Variants in FAM240A observed in about 807,000 individuals in gnomAD.
The protein encoded by FAM240A is family with sequence similarity 240 member A.
In FAM240A, 8 loss-of-function variants were observed where a neutral mutation model predicts 7.3. The ratio of observed to expected loss-of-function variants is 1.09; its 90% CI spans 0.64 to 1.97. FAM240A has a LOEUF of 1.97. FAM240A is among the 30% of genes most tolerant of loss of function. The pLI, the probability that FAM240A is intolerant of heterozygous loss-of-function variation, is 0.00. For missense variants in FAM240A, 90 were observed against 102.2 expected (o/e 0.88, Z 0.52); for synonymous variants, 32 against 35.9 (o/e 0.89, Z 0.38).
At chr3:46,614,381 C>T (rs1173689368) in intron 1 of FAM240A, among the ~76,000 whole-genome samples, 2 of 152,188 alleles carry the variant, frequency 1.3e-5, no homozygotes. Flanking sequence ...GTTAAGAAGA[C>T]AAGGTAGTTT....
At position 46,625,756 on chromosome 3, in the gene FAM240A, T is replaced by A. The variant is rs907496005; in HGVS notation, c.*538T>A. The A allele has an allele frequency of 1.3e-5, 2 of 152,224 alleles. No individual in the cohort carries two copies. Among genetic ancestry groups the A allele is most frequent in the Admixed American group, 1.3e-4 (2 of 15,286 alleles). The allele number at this position is 152,224 out of a possible 1,614,324, so 9.4% of individuals were successfully genotyped here. ...GATCTAATATTCTTTTTTCTTCATA[T>A]AAATTTAATTAGCTTTTTCAAAAGT... On this transcript the variant is annotated 3_prime_UTR_variant, in exon 3 of 3. Transcript: ENST00000640551.
intron 2 of FAM240A, among the ~76,000 whole-genome samples, chr3:46,619,858 C>T (rs1315233038): frequency 1.3e-5 from 2 of 152,190 alleles, no homozygotes; most frequent in East Asian, 3.8e-4. Flanking sequence ...AAGGGAACAG[C>T]TTGCCCTATT....
rs9810013 is a variant in FAM240A at position 46,625,303 on chromosome 3, G to A, written c.*85G>A. ...TCAGTGCAAATTCCTGAGTCCCTTT[G>A]CTATACCAATCAGCTCTCACACTAT... On this transcript the variant is annotated 3_prime_UTR_variant, in exon 3 of 3. Transcript: ENST00000640551. The A allele has an allele frequency of 0.1, 95,632 of 953,542 alleles. 6,165 individuals carry two copies. Among genetic ancestry groups the A allele is most frequent in the East Asian group, 0.33 (11,655 of 35,378 alleles). The allele number at this position is 953,542 out of a possible 1,614,324, so 59.1% of individuals were successfully genotyped here.
intron 2 of FAM240A, among the ~76,000 whole-genome samples, chr3:46,621,310 C>A (rs543178446): frequency 2.4e-4 from 37 of 151,410 alleles, no homozygotes; most frequent in African/African-American, 9.0e-4. Flanking sequence ...GTTTGAAGAT[C>A]TTTTTATCAA....
chr3:46,625,279 C>A lies in FAM240A; in HGVS notation c.*61C>A. 1 of 1,297,584 alleles carries A rather than the reference C, an allele frequency of 7.7e-7. No individual in the cohort carries two copies. Among genetic ancestry groups the A allele is most frequent in the Non-Finnish European group, 1.1e-6 (1 of 937,482 alleles). 80.4% of individuals were successfully genotyped at this position (1,297,584 alleles called of 1,614,324 possible). A position where few individuals can be genotyped will look rare whatever the true frequency, so the allele number is the denominator to read the frequency against. ...ACACTGAGGTCACTTTGCTAGAAGT[C>A]AGTGCAAATTCCTGAGTCCCTTTGC... On this transcript the variant is annotated 3_prime_UTR_variant, in exon 3 of 3. Coordinates refer to ENST00000640551, the MANE Select transcript of FAM240A (RefSeq NM_001195442.2).
chr3:46,622,205 G>A lies in FAM240A; in HGVS notation c.162-2923G>A, dbSNP rs567153695. On this transcript the variant is annotated intron_variant, in intron 2 of 2. Coordinates refer to ENST00000640551, the MANE Select transcript of FAM240A (RefSeq NM_001195442.2). ...ACTGCAAGCTCCATCTCCCAGGTTC[G>A]CGCCATTCTCCTGCCTCAGCCTCCC... Among the ~76,000 whole-genome samples the A allele has an allele frequency of 5.4e-4, 78 of 144,376 alleles. No individual in the cohort carries two copies. In the South Asian group the frequency reaches 0.013, roughly 24 times the overall value. The allele number at this position is 144,376 out of a possible 152,430, so 94.7% of individuals were successfully genotyped here.
chr3:46,621,170 T>C (rs1400119364), intron 2 of FAM240A, among the ~76,000 whole-genome samples: 1 of 152,188 alleles, frequency 6.6e-6, no homozygotes. Flanking sequence ...TCCAAGTAGT[T>C]CCATTAATTT....
In FAM240A at chr3:46,626,340, C is replaced by T. The variant is rs1274127876; in HGVS notation, c.*1122C>T. ...TAATTGTGAAGGACACCTGAACCCCCAGCCATCCTTTGGAACATAGGTTGT... is the reference window on the plus strand; with the variant it reads ...TAATTGTGAAGGACACCTGAACCCCTAGCCATCCTTTGGAACATAGGTTGT... On this transcript the variant is annotated 3_prime_UTR_variant, in exon 3 of 3. Transcript: ENST00000640551. 1.3e-5 allele frequency: 2 copies of T among 152,222 alleles called. No individual in the cohort carries two copies. Among genetic ancestry groups the T allele is most frequent in the African/African-American group, 4.8e-5 (2 of 41,446 alleles). 9.4% of individuals were successfully genotyped at this position (152,222 alleles called of 1,614,324 possible).
intron 1 of FAM240A, among the ~76,000 whole-genome samples, chr3:46,613,055 G>A (rs79756975): frequency 0.046 from 6,975 of 152,278 alleles, 211 homozygotes; most frequent in Non-Finnish European, 0.069. Flanking sequence ...TAGAGCCAGG[G>A]AACTTGAACT....
At chr3:46,623,930 A>T (rs1290681581) in intron 2 of FAM240A, among the ~76,000 whole-genome samples, 1 of 151,928 alleles carries the variant, frequency 6.6e-6, no homozygotes, top group Non-Finnish European at 1.5e-5. Flanking sequence ...TATTTCTCTC[A>T]TCTGTTGTTT....
intron 2 of FAM240A, among the ~76,000 whole-genome samples, chr3:46,623,034 A>G (rs1283303887): frequency 2.0e-5 from 3 of 152,232 alleles, no homozygotes; most frequent in South Asian, 4.1e-4. Flanking sequence ...GTCTGTTTTA[A>G]TATCTCTCAG....
At position 46,625,236 on chromosome 3, in the gene FAM240A, G is replaced by A; in HGVS notation, c.*18G>A. On this transcript the variant is annotated 3_prime_UTR_variant, in exon 3 of 3. Coordinates refer to ENST00000640551, the MANE Select transcript of FAM240A (RefSeq NM_001195442.2). ...TTGGCTGAGAGCTTCCTGCTTCATT[G>A]ACACAAGAAGATGCAAAACACTGAG... 1.3e-6 allele frequency: 2 copies of A among 1,514,122 alleles called. No individual in the cohort carries two copies. Among genetic ancestry groups the A allele is most frequent in the East Asian group, 5.0e-5 (2 of 40,352 alleles). The allele number at this position is 1,514,122 out of a possible 1,614,324, so 93.8% of individuals were successfully genotyped here. A position where few individuals can be genotyped will look rare whatever the true frequency, so the allele number is the denominator to read the frequency against.
Position 46,625,176 on chromosome 3 carries a change from G to T in FAM240A, c.210G>T (p.Arg70=). Reference sequence around the variant, plus strand: ...GGCTGGAAACAAAGCTGAGGCTGCGGAACAATCCAGAGGACACTGAAAAGA... The same window carrying T: ...GGCTGGAAACAAAGCTGAGGCTGCGTAACAATCCAGAGGACACTGAAAAGA... ...KQRLETKLRL[R]NNPEDTEKRT... is the part of the protein sequence containing the mutation. Residue 70 remains arginine, a synonymous_variant, in exon 3 of 3, where the codon CGG becomes CGT. Transcript: ENST00000640551. 6.5e-7 allele frequency: 1 copy of T among 1,534,548 alleles called. No individual in the cohort carries two copies. Among genetic ancestry groups the T allele is most frequent in the Non-Finnish European group, 8.7e-7 (1 of 1,146,040 alleles).
chr3:46,613,491 CTAAATAAA>C (rs148622433), intron 1 of FAM240A, among the ~76,000 whole-genome samples: 89 of 137,906 alleles, frequency 6.5e-4, no homozygotes, highest in Middle Eastern at 3.6e-3. Flanking sequence ...GAAACTCCTT[CTAAATAAA>C]TAAATAAATA....
At chr3:46,618,822 A>G (rs1697659814) in intron 2 of FAM240A, among the ~76,000 whole-genome samples, 1 of 151,446 alleles carries the variant, frequency 6.6e-6, no homozygotes, top group South Asian at 2.1e-4. Flanking sequence ...CCTGGGTGAC[A>G]AGAGCAAAAC....
rs114352360 is a variant in FAM240A, at chr3:46,617,977, C to T, written c.161+649C>T. Among the ~76,000 whole-genome samples the T allele has an allele frequency of 9.0e-3, 1,364 of 152,320 alleles. 17 individuals carry two copies. Among genetic ancestry groups the T allele is most frequent in the African/African-American group, 0.03 (1,227 of 41,558 alleles). On this transcript the variant is annotated intron_variant, in intron 2 of 2. Coordinates refer to ENST00000640551, the MANE Select transcript of FAM240A (RefSeq NM_001195442.2). ...TGCAGGCTCACTGCCCTCACACACA[C>T]ACTGCAGAAAGCCATCATGGGCTGC... is the stretch of plus-strand genomic sequence containing the variant.
intron 2 of FAM240A, among the ~76,000 whole-genome samples, chr3:46,619,695 G>A (rs534730180): frequency 2.6e-5 from 4 of 152,318 alleles, no homozygotes; most frequent in South Asian, 2.1e-4. Context: ...TGGCATGCTG[G>A]TTGGCAGCCC....
chr3:46,615,806 T>C (rs1198003386), intron 1 of FAM240A, among the ~76,000 whole-genome samples: 2 of 152,134 alleles, frequency 1.3e-5, no homozygotes, highest in African/African-American at 4.8e-5. Flanking sequence ...ATTTTGAGTG[T>C]CTGATATGTA....
chr3:46,615,616 G>A (rs1347345848), intron 1 of FAM240A, among the ~76,000 whole-genome samples: 1 of 152,078 alleles, frequency 6.6e-6, no homozygotes, highest in Non-Finnish European at 1.5e-5. Context: ...CTGGGATAAG[G>A]TCCAAATCCT....
Sources: gnomAD v4.1 joint callset for allele counts (sites outside exome capture counted in the v4.1 genomes callset) on GRCh38, gnomAD v4.1.1 for gene constraint, MANE v1.5 for transcripts, NCBI Gene and HGNC (gene_info 2026-07-23, HGNC 2026-07-21) for gene names.